The following ZFAND3 variants were observed in gnomAD, a reference collection of about 807,000 sequenced individuals.
ZFAND3 encodes AN1-type zinc finger protein 3.
A neutral mutation model predicts 29.6 loss-of-function variants in ZFAND3; 10 were observed. The observed-to-expected ratio is 0.34, with a 90% CI of 0.21 to 0.57. The LOEUF (loss-of-function observed/expected upper bound fraction) is 0.57. ZFAND3 is among the 20% of genes least tolerant of loss of function. The pLI is 0.86. For synonymous variants in ZFAND3, 128 were observed against 112.6 expected (o/e 1.14, Z -0.87); for missense variants, 230 against 304.5 (o/e 0.76, Z 1.82).
chr6:37,843,359 C>T (rs985629015), intron 1 of ZFAND3, among the ~76,000 whole-genome samples: 1 of 151,118 alleles, frequency 6.6e-6, no homozygotes, highest in Admixed American at 6.6e-5. Context: ...TGGTGGCGGG[C>T]ACCTGTAGTC....
At chr6:37,950,676 A>G (rs1272330441) in intron 2 of ZFAND3, among the ~76,000 whole-genome samples, 1 of 151,536 alleles carries the variant, frequency 6.6e-6, no homozygotes, top group East Asian at 1.9e-4. Context: ...ACCGTGCCCT[A>G]CCTGTTGACT....
chr6:37,937,790 G>A (rs1207223531), intron 2 of ZFAND3, among the ~76,000 whole-genome samples: 3 of 151,882 alleles, frequency 2.0e-5, no homozygotes, highest in Non-Finnish European at 4.4e-5. Flanking sequence ...TAAGCCAGAC[G>A]CCCAAGAGGG....
At chr6:38,049,594 G>T (rs1763978479) in intron 2 of ZFAND3, among the ~76,000 whole-genome samples, 1 of 152,120 alleles carries the variant, frequency 6.6e-6, no homozygotes, top group Non-Finnish European at 1.5e-5. Context: ...GTAGTTGATA[G>T]CCTTAATATG....
intron 3 of ZFAND3, among the ~76,000 whole-genome samples, chr6:38,080,055 C>CA (rs59385588): frequency 0.1 from 13,491 of 129,920 alleles, 787 homozygotes; most frequent in East Asian, 0.3. Context: ...AAAGTTCCTC[C>CA]AAAAAAAAAA....
At chr6:38,026,421 A>ATTTTTTTT (rs10715149) in intron 2 of ZFAND3, among the ~76,000 whole-genome samples, 3 of 74,868 alleles carry the variant, frequency 4.0e-5, no homozygotes, top group African/African-American at 1.1e-4. Context: ...TTACTTTAGG[A>ATTTTTTTT]TTTTTTTTTT....
intron 1 of ZFAND3, among the ~76,000 whole-genome samples, chr6:37,863,081 T>C (rs1384078178): frequency 1.3e-5 from 2 of 152,216 alleles, no homozygotes; most frequent in African/African-American, 4.8e-5. Flanking sequence ...CAGGAGATAC[T>C]GTAACCTTCC....
intron 1 of ZFAND3, among the ~76,000 whole-genome samples, chr6:37,843,100 CAACA>C (rs1764108875): frequency 8.0e-6 from 1 of 124,746 alleles, no homozygotes; most frequent in African/African-American, 3.0e-5. Flanking sequence ...CCAGCCTGAG[CAACA>C]GAGTGAAACT....
rs549750273 is a variant in ZFAND3, at chr6:38,134,232, G to A, written c.529+17493G>A. 3.3e-5 allele frequency among the ~76,000 whole-genome samples: 5 copies of A among 152,270 alleles called. No homozygotes were observed. In the Middle Eastern group the frequency reaches 0.01, roughly 311 times the overall value. ...CAGTGGCATTTAATTCTGTTGACATGCACATTCCGTTCTCCTGAGTGCTAA... is the reference window on the plus strand; with the variant it reads ...CAGTGGCATTTAATTCTGTTGACATACACATTCCGTTCTCCTGAGTGCTAA... On this transcript the variant is annotated intron_variant, in intron 5 of 5. Transcript: ENST00000287218.
chr6:38,061,889 T>A (rs1232864401), intron 3 of ZFAND3, 114 bp downstream of exon 3: 2 of 1,286,270 alleles, frequency 1.6e-6, no homozygotes, highest in Admixed American at 2.6e-5. Flanking sequence ...TCAAGATAAG[T>A]GTCCACATAC....
chr6:37,837,155 GTA>G (rs1036877681), intron 1 of ZFAND3, among the ~76,000 whole-genome samples: 2 of 152,130 alleles, frequency 1.3e-5, no homozygotes, highest in Admixed American at 1.3e-4. Context: ...GAAAAGCTCA[GTA>G]TATATATAGG....
intron 2 of ZFAND3, among the ~76,000 whole-genome samples, chr6:37,955,127 G>A (rs2127422329): frequency 6.7e-6 from 1 of 149,728 alleles, no homozygotes; most frequent in East Asian, 1.9e-4. Context: ...TGGACTCTCA[G>A]CTCTGCCTCT....
intron 2 of ZFAND3, among the ~76,000 whole-genome samples, chr6:38,025,381 A>G (rs1763428338): frequency 6.6e-6 from 1 of 152,190 alleles, no homozygotes; most frequent in African/African-American, 2.4e-5. Flanking sequence ...GAGGCACAAT[A>G]TCCAAGTAAT....
chr6:37,974,736 A>G (rs1463481293), intron 2 of ZFAND3, among the ~76,000 whole-genome samples: 1 of 152,060 alleles, frequency 6.6e-6, no homozygotes, highest in Non-Finnish European at 1.5e-5. Flanking sequence ...CACTCAGCAT[A>G]TTTTGAGATT....
At chr6:38,049,168 T>G (rs1444812072) in intron 2 of ZFAND3, among the ~76,000 whole-genome samples, 1 of 152,228 alleles carries the variant, frequency 6.6e-6, no homozygotes, top group East Asian at 1.9e-4. Flanking sequence ...ATCCCCAGGA[T>G]TGGCTTGTTA....
At chr6:37,954,502 T>C (rs1311690493) in intron 2 of ZFAND3, among the ~76,000 whole-genome samples, 1 of 152,348 alleles carries the variant, frequency 6.6e-6, no homozygotes, top group African/African-American at 2.4e-5. Flanking sequence ...TTTCCATCTC[T>C]AGAAGGCCAG....
At chr6:37,917,164 C>T (rs907172127) in intron 1 of ZFAND3, among the ~76,000 whole-genome samples, 2 of 152,168 alleles carry the variant, frequency 1.3e-5, no homozygotes, top group African/African-American at 4.8e-5. Flanking sequence ...TCAGTACTAT[C>T]CATGATTTCA....
intron 2 of ZFAND3, among the ~76,000 whole-genome samples, chr6:38,016,003 G>C (rs1457935954): frequency 6.6e-6 from 1 of 152,184 alleles, no homozygotes; most frequent in Non-Finnish European, 1.5e-5. Context: ...GATACATTGA[G>C]GGTAGTATGT....
At chr6:37,837,371 G>C (rs1763986663) in intron 1 of ZFAND3, among the ~76,000 whole-genome samples, 1 of 152,142 alleles carries the variant, frequency 6.6e-6, no homozygotes, top group South Asian at 2.1e-4. Flanking sequence ...TTTGCTGTGT[G>C]TGATTTTCTG....
chr6:38,005,304 A>G (rs373790234), intron 2 of ZFAND3, among the ~76,000 whole-genome samples: 1 of 152,238 alleles, frequency 6.6e-6, no homozygotes, highest in African/African-American at 2.4e-5. Context: ...TGAAGTCTCA[A>G]AGATGGGTTT....
Sources: gnomAD v4.1 joint callset for allele counts (sites outside exome capture counted in the v4.1 genomes callset) on GRCh38, gnomAD v4.1.1 for gene constraint, MANE v1.5 for transcripts, NCBI Gene and HGNC (gene_info 2026-07-23, HGNC 2026-07-21) for gene names.